GRIA4: variants seen among roughly 807,000 people sequenced by gnomAD.
GRIA4 encodes the protein glutamate ionotropic receptor AMPA type subunit 4, also known as glutamate receptor 4.
GRIA4 carries 34 observed loss-of-function variants against 104.0 expected under a neutral mutation model. The observed-to-expected ratio is 0.33, with a 90% CI of 0.25 to 0.44. The LOEUF is 0.44. GRIA4 is among the 20% of genes least tolerant of loss of function. GRIA4 has a pLI of 1.00. For missense variants in GRIA4, 750 were observed against 1,096.5 expected, an observed-to-expected ratio of 0.68 and a Z score of 4.46; for synonymous variants, 386 against 381.9, an observed-to-expected ratio of 1.01 and a Z score of -0.13.
intron 14 of GRIA4, among the ~76,000 whole-genome samples, chr11:105,945,015 G>A (rs1018303725): frequency 6.6e-6 from 1 of 151,978 alleles, no homozygotes; most frequent in Non-Finnish European, 1.5e-5. Flanking sequence ...ATCAGATTTA[G>A]TATTGCTTCA....
At chr11:105,934,007 A>G (rs1474154411) in intron 14 of GRIA4, 38 bp downstream of exon 14, 5 of 1,541,900 alleles carry the variant, frequency 3.2e-6, no homozygotes, top group Non-Finnish European at 4.4e-6. Flanking sequence ...ATGTGTTGTT[A>G]TAGTATTCCA....
chr11:105,628,424 T>C (rs1295230249), intron 3 of GRIA4, among the ~76,000 whole-genome samples: 2 of 152,160 alleles, frequency 1.3e-5, no homozygotes, highest in Non-Finnish European at 2.9e-5. Flanking sequence ...GTATTTCCTA[T>C]AATCCCCATG....
chr11:105,695,824 G>A (rs986966033), intron 3 of GRIA4, among the ~76,000 whole-genome samples: 2 of 152,100 alleles, frequency 1.3e-5, no homozygotes, highest in African/African-American at 4.8e-5. Context: ...CCAAACTCTA[G>A]AGGCTTGAGT....
At chr11:105,868,962 G>A (rs1322549751) in intron 5 of GRIA4, among the ~76,000 whole-genome samples, 2 of 152,074 alleles carry the variant, frequency 1.3e-5, no homozygotes, top group Non-Finnish European at 2.9e-5. Flanking sequence ...GAACTGATTC[G>A]AATGTGCAAG....
chr11:105,803,176 C>T (rs1438680181), intron 4 of GRIA4, among the ~76,000 whole-genome samples: 1 of 151,868 alleles, frequency 6.6e-6, no homozygotes, highest in East Asian at 1.9e-4. Flanking sequence ...TTTTATACAT[C>T]TAATGGGACT....
At chr11:105,743,072 C>T (rs1040343353) in intron 3 of GRIA4, among the ~76,000 whole-genome samples, 2 of 152,004 alleles carry the variant, frequency 1.3e-5, no homozygotes, top group Non-Finnish European at 2.9e-5. Flanking sequence ...CATATAAGGC[C>T]TCCATTTTCT....
chr11:105,854,059 C>T (rs976408776), intron 4 of GRIA4, among the ~76,000 whole-genome samples: 45 of 152,140 alleles, frequency 3.0e-4, no homozygotes, highest in Admixed American at 7.2e-4. Flanking sequence ...AACTATTTAT[C>T]GAGTCCCTTT....
chr11:105,933,083 T>A (rs35585850), intron 13 of GRIA4, among the ~76,000 whole-genome samples: 13,528 of 151,716 alleles, frequency 0.089, 772 homozygotes, highest in Admixed American at 0.18. Context: ...TAAAAAAATT[T>A]TTTTTTTAAT....
chr11:105,736,925 T>A (rs10895873), intron 3 of GRIA4, among the ~76,000 whole-genome samples: 22,402 of 152,024 alleles, frequency 0.15, 2,100 homozygotes, highest in East Asian at 0.26. Context: ...AAGCACTTAC[T>A]GCTTTCATCA....
intron 3 of GRIA4, among the ~76,000 whole-genome samples, chr11:105,741,555 A>G (rs922336844): frequency 2.6e-5 from 4 of 152,132 alleles, no homozygotes; most frequent in Non-Finnish European, 4.4e-5. Flanking sequence ...GGAACTCTGG[A>G]AAGTATGCTT....
chr11:105,777,348 A>C (rs188890805), intron 4 of GRIA4, among the ~76,000 whole-genome samples: 70 of 152,326 alleles, frequency 4.6e-4, no homozygotes, highest in Middle Eastern at 3.4e-3. Context: ...AGTTAGCTAG[A>C]AATTTTTATT....
intron 3 of GRIA4, among the ~76,000 whole-genome samples, chr11:105,699,290 AACT>A (rs1266314429): frequency 6.6e-6 from 1 of 152,146 alleles, no homozygotes; most frequent in Non-Finnish European, 1.5e-5. Context: ...GGATGTCCCC[AACT>A]TGTTATTTGA....
At chr11:105,616,395 T>C (rs999812351) in intron 3 of GRIA4, among the ~76,000 whole-genome samples, 2 of 151,732 alleles carry the variant, frequency 1.3e-5, no homozygotes, top group Non-Finnish European at 3.0e-5. Flanking sequence ...TGAGCAGTAC[T>C]TTACAAAGTA....
chr11:105,749,904 T>C (rs1019258911), intron 3 of GRIA4, among the ~76,000 whole-genome samples: 2 of 152,228 alleles, frequency 1.3e-5, no homozygotes, highest in Non-Finnish European at 2.9e-5. Flanking sequence ...TCTAATATCA[T>C]TGCATGTATT....
chr11:105,864,645 T>A (rs1591367638), intron 5 of GRIA4, among the ~76,000 whole-genome samples: 1 of 151,834 alleles, frequency 6.6e-6, no homozygotes, highest in Non-Finnish European at 1.5e-5. Context: ...CCGAGGCAGG[T>A]GGATCACCTG....
chr11:105,718,661 G>T (rs1236685344), intron 3 of GRIA4, among the ~76,000 whole-genome samples: 1 of 152,194 alleles, frequency 6.6e-6, no homozygotes, highest in Non-Finnish European at 1.5e-5. Context: ...TGGGTTCATG[G>T]TGGTAATGGT....
chr11:105,625,758 T>A (rs1026095913), intron 3 of GRIA4, among the ~76,000 whole-genome samples: 1 of 152,118 alleles, frequency 6.6e-6, no homozygotes, highest in Non-Finnish European at 1.5e-5. Flanking sequence ...ATTATTCAGT[T>A]ACATCATTAT....
chr11:105,787,861 A>G (rs1418819922), intron 4 of GRIA4, among the ~76,000 whole-genome samples: 1 of 152,064 alleles, frequency 6.6e-6, no homozygotes, highest in Non-Finnish European at 1.5e-5. Context: ...CAGTTCCTTT[A>G]GTTTTTGGGT....
chr11:105,913,496 T>C, intron 10 of GRIA4: 1 of 613,346 alleles, frequency 1.6e-6, no homozygotes. Context: ...ATAAAATTTA[T>C]AAGACTGTGA....
Sources: gnomAD v4.1 joint callset for allele counts (sites outside exome capture counted in the v4.1 genomes callset) on GRCh38, gnomAD v4.1.1 for gene constraint, MANE v1.5 for transcripts, NCBI Gene and HGNC (gene_info 2026-07-23, HGNC 2026-07-21) for gene names.